Variants in FSAF1 observed in about 807,000 individuals in gnomAD.
FSAF1 encodes 40S small subunit processome assembly factor 1.
At chr1:231,238,739 G>T in the FSAF1 span, 2 of 1,003,744 alleles carry the variant, frequency 2.0e-6, no homozygotes, top group Non-Finnish European at 2.9e-6. Context: ...GAGTCCTTTT[G>T]GCAAATCTGC....
chr1:231,230,140 G>C, the FSAF1 span, among the ~76,000 whole-genome samples: 2 of 152,172 alleles, frequency 1.3e-5, no homozygotes, highest in African/African-American at 4.8e-5. Context: ...GAAAAATGGA[G>C]ACAATACTTT....
chr1:231,227,886 G>A, the FSAF1 span, among the ~76,000 whole-genome samples: 3 of 152,106 alleles, frequency 2.0e-5, no homozygotes, highest in South Asian at 2.1e-4. Context: ...ACCGCGCCCC[G>A]CCCTCTCTCA....
At chr1:231,226,959 C>T in the FSAF1 span, 1 of 1,613,704 alleles carries the variant, frequency 6.2e-7, no homozygotes, top group Admixed American at 1.7e-5. Flanking sequence ...TGAAAGGTAG[C>T]AGCAGCCCCT....
At chr1:231,236,170 T>C in the FSAF1 span, among the ~76,000 whole-genome samples, 1 of 152,216 alleles carries the variant, frequency 6.6e-6, no homozygotes, top group Non-Finnish European at 1.5e-5. Context: ...AGCTGGTGTA[T>C]TCCAATTAGC....
chr1:231,238,980 T>A, the FSAF1 span: 111 of 1,614,198 alleles, frequency 6.9e-5, no homozygotes, highest in South Asian at 1.1e-3. Flanking sequence ...CAAGGATCTC[T>A]GGTCCTGTGG....
chr1:231,232,442 C>T, the FSAF1 span, among the ~76,000 whole-genome samples: 1 of 152,206 alleles, frequency 6.6e-6, no homozygotes, highest in Non-Finnish European at 1.5e-5. Context: ...AAGCAACTAA[C>T]CACCCTCCAG....
At chr1:231,233,793 C>T in the FSAF1 span, among the ~76,000 whole-genome samples, 53 of 152,316 alleles carry the variant, frequency 3.5e-4, no homozygotes, top group African/African-American at 1.2e-3. Context: ...CCTTGTGATC[C>T]GCCTGCCTCA....
At chr1:231,232,837 T>C in the FSAF1 span, among the ~76,000 whole-genome samples, 1 of 152,242 alleles carries the variant, frequency 6.6e-6, no homozygotes, top group Non-Finnish European at 1.5e-5. Flanking sequence ...ATTTTCTTTC[T>C]TTTTTAATCT....
At chr1:231,223,869 G>C in the FSAF1 span, 1 of 154,742 alleles carries the variant, frequency 6.5e-6, no homozygotes, top group African/African-American at 2.4e-5. Context: ...TAAATTACTA[G>C]ATTCTTGGTT....
At chr1:231,229,305 AC>A in the FSAF1 span, 1 of 731,940 alleles carries the variant, frequency 1.4e-6, no homozygotes, top group Non-Finnish European at 2.2e-6. Context: ...CCTGAAAGTG[AC>A]CCTTTCACAC....
the FSAF1 span, among the ~76,000 whole-genome samples, chr1:231,230,371 A>G: frequency 6.6e-6 from 1 of 152,190 alleles, no homozygotes; most frequent in Non-Finnish European, 1.5e-5. Context: ...CCATCTGGCC[A>G]CTAGTGTAAT....
the FSAF1 span, chr1:231,225,869 A>G: frequency 1.2e-4 from 35 of 291,142 alleles, no homozygotes; most frequent in Non-Finnish European, 1.5e-4. Context: ...ATTCCAGGTA[A>G]GACTAATAGT....
At chr1:231,227,619 C>T in the FSAF1 span, among the ~76,000 whole-genome samples, 1 of 123,316 alleles carries the variant, frequency 8.1e-6, no homozygotes, top group Non-Finnish European at 1.6e-5. Flanking sequence ...GACGGAGTCT[C>T]ACTCTGTTGC....
chr1:231,239,281 G>A, the FSAF1 span: 2 of 1,064,376 alleles, frequency 1.9e-6, no homozygotes, highest in Non-Finnish European at 2.6e-6. Flanking sequence ...CATATTCCAG[G>A]GCTATATGCA....
the FSAF1 span, chr1:231,237,969 T>A: frequency 6.6e-6 from 1 of 152,046 alleles, no homozygotes; most frequent in Non-Finnish European, 1.5e-5. Context: ...GATCACGAGG[T>A]CGGGAGATCA....
the FSAF1 span, among the ~76,000 whole-genome samples, chr1:231,229,887 C>T: frequency 2.0e-5 from 3 of 152,086 alleles, no homozygotes; most frequent in African/African-American, 4.8e-5. Flanking sequence ...AGCATCGGTT[C>T]GGCAAGCTGA....
chr1:231,224,147 G>T, the FSAF1 span: 2 of 1,082,726 alleles, frequency 1.8e-6, no homozygotes, highest in South Asian at 1.9e-5. Flanking sequence ...ACTTCTGTTT[G>T]ACTTTTTTTC....
chr1:231,233,576 G>A, the FSAF1 span, among the ~76,000 whole-genome samples: 3 of 151,660 alleles, frequency 2.0e-5, no homozygotes, highest in Non-Finnish European at 2.9e-5. Context: ...TTTTTGAGAC[G>A]GAGTCTTGCT....
At chr1:231,239,108 C>T in the FSAF1 span, 4 of 1,613,186 alleles carry the variant, frequency 2.5e-6, no homozygotes, top group African/African-American at 1.3e-5. Context: ...GCTGCCAAGG[C>T]CGCTGAAGCC....
Sources: gnomAD v4.1 joint callset for allele counts (sites outside exome capture counted in the v4.1 genomes callset) on GRCh38, gnomAD v4.1.1 for gene constraint, MANE v1.5 for transcripts, NCBI Gene and HGNC (gene_info 2026-07-23, HGNC 2026-07-21) for gene names.